Variants in DLGAP1 observed in about 807,000 individuals in gnomAD.
The protein encoded by DLGAP1 is disks large-associated protein 1.
Under a neutral mutation model 90.8 loss-of-function variants are expected in DLGAP1, and 11 were observed. The observed-to-expected ratio is 0.12, with a 90% CI of 0.08 to 0.20. DLGAP1 has a LOEUF of 0.20. Among genes scored for constraint, DLGAP1 ranks in the 10% least tolerant of loss-of-function variants. DLGAP1 has a pLI of 1.00. For missense variants in DLGAP1, 1,050 were observed against 1,333.8 expected (o/e 0.79, Z 3.31); for synonymous variants, 558 against 540.7 (o/e 1.03, Z -0.44).
chr18:3,535,707 C>CA (rs1410171070), intron 9 of DLGAP1, among the ~76,000 whole-genome samples: 234 of 112,778 alleles, frequency 2.1e-3, no homozygotes, highest in Middle Eastern at 0.016. Flanking sequence ...GATTCTGTCT[C>CA]AAAAAAAAAA....
At chr18:4,268,845 C>T (rs944957416) in intron 1 of DLGAP1, among the ~76,000 whole-genome samples, 7 of 152,032 alleles carry the variant, frequency 4.6e-5, no homozygotes, top group African/African-American at 1.7e-4. Flanking sequence ...ACTTTTACAT[C>T]GGTCCAGTAC....
At chr18:4,069,992 T>G (rs997047247) in intron 2 of DLGAP1, among the ~76,000 whole-genome samples, 7 of 149,162 alleles carry the variant, frequency 4.7e-5, no homozygotes, top group African/African-American at 1.8e-4. Flanking sequence ...TTCTTTCTTT[T>G]TTTTTTTTGA....
chr18:4,099,049 C>T (rs545926452), intron 2 of DLGAP1, among the ~76,000 whole-genome samples: 3 of 152,280 alleles, frequency 2.0e-5, no homozygotes, highest in African/African-American at 7.2e-5. Context: ...CTGCATTTCC[C>T]ATCCATACCT....
At chr18:3,928,313 CTCAAG>C (rs1244232183) in intron 3 of DLGAP1, among the ~76,000 whole-genome samples, 3 of 152,266 alleles carry the variant, frequency 2.0e-5, no homozygotes, top group Admixed American at 1.3e-4. Flanking sequence ...TGTTGATGCT[CTCAAG>C]TCTTTTCCTG....
Position 3,879,510 on chromosome 18 carries a change from G to A in DLGAP1, c.559C>T (p.Arg187Trp). 6.2e-7 allele frequency: 1 copy of A among 1,602,684 alleles called. No individual in the cohort carries two copies. The change falls in exon 4 of 13, where the codon CGG becomes TGG. Residue 187 changes from arginine to tryptophan, a missense_variant. Arg to Trp is a moderately radical substitution (Grantham distance 101). Transcript: ENST00000315677. This position sits in a 1 kb window ranked among gnomAD's most constrained non-coding sequence, Gnocchi z 6.6. ...GGCCGGGCCTTGGGCTCCGCGCGCCGCTCCTTGCTCTTGCTGCGTTTGCCA... is the reference window on the plus strand; with the variant it reads ...GGCCGGGCCTTGGGCTCCGCGCGCCACTCCTTGCTCTTGCTGCGTTTGCCA... ...RYGKRSKSKE[R>W]RAEPKARPST...
intron 1 of DLGAP1, among the ~76,000 whole-genome samples, chr18:4,290,493 A>G (rs955362047): frequency 2.6e-5 from 4 of 152,254 alleles, no homozygotes; most frequent in Non-Finnish European, 4.4e-5. Context: ...TGGACTCCAC[A>G]TGGCAAGGCA....
chr18:4,008,144 G>C (rs1305780777), intron 2 of DLGAP1, among the ~76,000 whole-genome samples: 1 of 151,744 alleles, frequency 6.6e-6, no homozygotes, highest in Non-Finnish European at 1.5e-5. Flanking sequence ...ATCCATGGGG[G>C]ATACATTCCA....
At chr18:4,051,626 C>T (rs2143087469) in intron 2 of DLGAP1, among the ~76,000 whole-genome samples, 1 of 152,278 alleles carries the variant, frequency 6.6e-6, no homozygotes, top group South Asian at 2.1e-4. Context: ...AAAACCATAT[C>T]ATTCTGCCGC....
At chr18:3,625,203 A>G (rs1274900668) in intron 7 of DLGAP1, among the ~76,000 whole-genome samples, 1 of 152,186 alleles carries the variant, frequency 6.6e-6, no homozygotes, top group Non-Finnish European at 1.5e-5. Flanking sequence ...CGACTGCCAA[A>G]TTCTATGACT....
intron 7 of DLGAP1, among the ~76,000 whole-genome samples, chr18:3,601,412 T>TA (rs925597776): frequency 6.6e-6 from 1 of 151,976 alleles, no homozygotes; most frequent in African/African-American, 2.4e-5. Flanking sequence ...GATGTGGTCT[T>TA]ACAGATAAAC....
At chr18:4,440,120 C>CAAAAAAAA (rs35152199) in intron 1 of DLGAP1, among the ~76,000 whole-genome samples, 5 of 49,346 alleles carry the variant, frequency 1.0e-4, no homozygotes, top group Non-Finnish European at 1.1e-4. Context: ...ACTCCGTCAC[C>CAAAAAAAA]AAAAAAAAAA....
At chr18:4,092,037 T>G (rs1281144985) in intron 2 of DLGAP1, among the ~76,000 whole-genome samples, 1 of 152,068 alleles carries the variant, frequency 6.6e-6, no homozygotes, top group African/African-American at 2.4e-5. Context: ...AGTGCTGGAG[T>G]TGGTCAATCT....
chr18:4,102,141 C>T (rs2075789318), intron 2 of DLGAP1, among the ~76,000 whole-genome samples: 1 of 152,040 alleles, frequency 6.6e-6, no homozygotes, highest in South Asian at 2.1e-4. Flanking sequence ...AAACTTTTTA[C>T]CCAAAATAGA....
chr18:4,130,028 C>A (rs776507312), intron 2 of DLGAP1, among the ~76,000 whole-genome samples: 1 of 152,142 alleles, frequency 6.6e-6, no homozygotes, highest in African/African-American at 2.4e-5. Context: ...ATTTGACCAG[C>A]TTTTCACCAT....
chr18:3,900,866 G>T (rs1047963907), intron 3 of DLGAP1, among the ~76,000 whole-genome samples: 3 of 152,106 alleles, frequency 2.0e-5, no homozygotes, highest in Non-Finnish European at 2.9e-5. Context: ...TTTAGAAATG[G>T]TTTAAAAGAT....
At chr18:4,096,850 TTTC>T (rs201360210) in intron 2 of DLGAP1, among the ~76,000 whole-genome samples, 5,388 of 152,286 alleles carry the variant, frequency 0.035, 350 homozygotes, top group African/African-American at 0.12. Context: ...CCCTCCTGTA[TTTC>T]AGTTTACCTA....
At chr18:4,073,985 A>G (rs1189995362) in intron 2 of DLGAP1, among the ~76,000 whole-genome samples, 1 of 152,206 alleles carries the variant, frequency 6.6e-6, no homozygotes, top group African/African-American at 2.4e-5. Context: ...GACATTGGAG[A>G]ACATTCTTCA....
chr18:3,896,518 C>A (rs61742155), intron 3 of DLGAP1: 15,969 of 152,230 alleles, frequency 0.1, 856 homozygotes, highest in East Asian at 0.12. Flanking sequence ...AGCTAACCAG[C>A]AAGCTGCCCT....
At chr18:4,048,751 C>G (rs2075091448) in intron 2 of DLGAP1, among the ~76,000 whole-genome samples, 2 of 152,192 alleles carry the variant, frequency 1.3e-5, no homozygotes, top group Non-Finnish European at 2.9e-5. Flanking sequence ...AAGGCAAAAG[C>G]AGTAGAAAAA....
Sources: gnomAD v4.1 joint callset for allele counts (sites outside exome capture counted in the v4.1 genomes callset) on GRCh38, gnomAD v4.1.1 for gene constraint, Gnocchi (gnomAD v3.1) non-coding constraint, MANE v1.5 for transcripts, NCBI Gene and HGNC (gene_info 2026-07-23, HGNC 2026-07-21) for gene names.